Variants in ZNF585B observed in about 807,000 individuals in gnomAD.
ZNF585B encodes the protein zinc finger protein 41-like protein.
ZNF585B carries 7 observed loss-of-function variants against 14.0 expected under a neutral mutation model. The ratio of observed to expected loss-of-function variants is 0.50; its 90% CI spans 0.28 to 0.94. The LOEUF (loss-of-function observed/expected upper bound fraction) is 0.94, where lower values mean the gene tolerates loss of function less well. Among genes scored for constraint, ZNF585B ranks in the 40% least tolerant of loss-of-function variants. ZNF585B has a pLI of 0.09. For synonymous variants in ZNF585B, 290 were observed against 317.3 expected, an observed-to-expected ratio of 0.91 and a Z score of 0.91; for missense variants, 750 against 924.4, an observed-to-expected ratio of 0.81 and a Z score of 2.45.
chr19:37,200,549 CAAA>C (rs368092726), intron 2 of ZNF585B, among the ~76,000 whole-genome samples: 1 of 48,812 alleles, frequency 2.0e-5, no homozygotes, highest in Admixed American at 2.0e-4. Flanking sequence ...GATTCTGTCT[CAAA>C]AAAAAAAAAA....
rs1160111775 is a variant in ZNF585B at position 37,186,491 on chromosome 19, C to A, written c.1046G>T (p.Ser349Ile). The change falls in exon 5 of 5, where the codon AGT becomes ATT. Residue 349 changes from serine to isoleucine, a missense_variant. This residue lies in a region of ZNF585B where 517 missense variants were observed against 570.3 expected (regional missense o/e 0.91). Transcript: ENST00000532828. ...AGTACATATGGAAGATTTCTCTCTACTTTGAATCTTCTCATGTGTAATGAG... is the reference window on the plus strand; with the variant it reads ...AGTACATATGGAAGATTTCTCTCTAATTTGAATCTTCTCATGTGTAATGAG... ...SNLITHEKIQ[S>I]REKSSICTEC... 6.2e-7 allele frequency: 1 copy of A among 1,614,172 alleles called. No homozygotes were observed.
In ZNF585B at chr19:37,185,617, C is replaced by T; in HGVS notation, c.1920G>A (p.Gly640=). The T allele has an allele frequency of 1.2e-6, 2 of 1,614,078 alleles. No individual in the cohort carries two copies. The highest frequency in any genetic ancestry group is 1.1e-5 in the South Asian group (1 of 91,072). The stretch of plus-strand genomic sequence containing the variant: ...GATTTGACCTGCCACTAAAGGCTTT[C>T]CCACACTCGGCACACACATAGGGTT... ...GEKPYVCAEC[G]KAFSGRSNLS... is the part of the protein sequence containing the mutation. Residue 640 remains glycine (G), a synonymous_variant, in exon 5 of 5, where the codon GGG becomes GGA. Transcript: ENST00000532828.
chr19:37,199,054 C>T, intron 2 of ZNF585B: 1 of 1,481,052 alleles, frequency 6.8e-7, no homozygotes, highest in Non-Finnish European at 9.1e-7. Flanking sequence ...TACCTATATA[C>T]CTGAAAAGAA....
At position 37,182,028 on chromosome 19, in the gene ZNF585B, C is replaced by T. The variant is rs908964605; in HGVS notation, c.*3199G>A. The T allele has an allele frequency of 4.6e-5, 7 of 152,016 alleles. No homozygotes were observed. The highest frequency in any genetic ancestry group is 2.9e-5 in the Non-Finnish European group (2 of 68,012). 9.4% of individuals were successfully genotyped at this position (152,016 alleles called of 1,614,324 possible). A position where few individuals can be genotyped will look rare whatever the true frequency, so the allele number is the denominator to read the frequency against. On this transcript the variant is annotated 3_prime_UTR_variant, in exon 5 of 5. Transcript: ENST00000532828. ...GTCAATGTAGTTTCATCAATTGTAA[C>T]AAATGTACCACTCTGAAGGGGGATG...
In ZNF585B at chr19:37,185,309, T is replaced by C. The variant is rs146556657; in HGVS notation, c.2228A>G (p.Asp743Gly). ...LNKHQTTHTGDKPYKCGICGK... is the reference protein window; with the variant it reads ...LNKHQTTHTGGKPYKCGICGK... ...ACAGATGCCACACTTGTAGGGTTTG[T>C]CTCCAGTGTGTGTTGTCTGATGTTT... Residue 743 changes from aspartate (D) to glycine (G), a missense_variant, in exon 5 of 5, where the codon GAC becomes GGC. Physicochemically the swap from Asp to Gly is moderately conservative, Grantham distance 94 (BLOSUM62 -1). Coordinates refer to ENST00000532828, the MANE Select transcript of ZNF585B (RefSeq NM_152279.4). 153 of 1,614,192 alleles carry C rather than the reference T, an allele frequency of 9.5e-5. No homozygotes were observed. The African/African-American group carries it at 1.7e-3, about 18-fold the overall frequency.
At position 37,190,087 on chromosome 19, in the gene ZNF585B, G is replaced by C; in HGVS notation, c.136C>G (p.Leu46Val). ...TCCCGGTACAGGTTTCTCTGAGAAA[G>C]GTCCAGGTGCCGCCATTCCTCTCTG... Reference protein sequence around the residue: ...FSREEWRHLDLSQRNLYRDVM... With the variant: ...FSREEWRHLDVSQRNLYRDVM... The change falls in exon 3 of 5, where the codon CTT becomes GTT. Residue 46 changes from leucine (L) to valine (V), a missense_variant. By Grantham distance (32) the Leu-to-Val change is conservative. Around this residue, in one of 2 missense-constraint regions of ZNF585B, gnomAD observed 517 missense variants for 570.3 expected, o/e 0.91. Coordinates refer to ENST00000532828, the MANE Select transcript of ZNF585B (RefSeq NM_152279.4). The C allele has an allele frequency of 6.2e-7, 1 of 1,614,132 alleles. No homozygotes were observed. The highest frequency in any genetic ancestry group is 8.5e-7 in the Non-Finnish European group (1 of 1,180,022).
At chr19:37,206,938 G>C (rs765649617) in intron 2 of ZNF585B, 102 bp downstream of exon 2, 120 of 1,432,998 alleles carry the variant, frequency 8.4e-5, no homozygotes, top group Non-Finnish European at 1.1e-4. Flanking sequence ...GAGTCCAGCT[G>C]GTTCCTAAGG....
intron 2 of ZNF585B, among the ~76,000 whole-genome samples, chr19:37,191,974 C>T (rs1419643833): frequency 6.6e-6 from 1 of 151,948 alleles, no homozygotes; most frequent in Non-Finnish European, 1.5e-5. Context: ...AGGTTGCAGT[C>T]AGCCGAGATC....
intron 4 of ZNF585B, 80 bp from the exon 5 acceptor site, chr19:37,187,324 G>T: frequency 9.2e-7 from 1 of 1,082,256 alleles, no homozygotes; most frequent in Non-Finnish European, 1.3e-6. Context: ...TTGAAGCATC[G>T]TTTCTATCAT....
intron 2 of ZNF585B, among the ~76,000 whole-genome samples, chr19:37,194,398 G>A (rs1972437123): frequency 6.6e-6 from 1 of 152,200 alleles, no homozygotes; most frequent in African/African-American, 2.4e-5. Flanking sequence ...TGGACCACCT[G>A]AGGTGAGGGG....
rs1479845629 is a variant in ZNF585B, at chr19:37,186,135, A to T, written c.1402T>A (p.Cys468Ser). Residue 468 changes from cysteine to serine, a missense_variant, in exon 5 of 5, where the codon TGC becomes AGC. Physicochemically the swap from Cys to Ser is moderately radical, Grantham distance 112. Transcript: ENST00000532828. ...GTGAATGCCTTCCCACATTTATTGC[A>T]TACATAGGGCTTTTCTCCTGTGTGA... is the stretch of plus-strand genomic sequence containing the variant. ...RIHTGEKPYVCNKCGKAFTNR... is the reference protein window; with the variant it reads ...RIHTGEKPYVSNKCGKAFTNR... 6.2e-7 allele frequency: 1 copy of T among 1,614,184 alleles called. No homozygotes were observed. Among genetic ancestry groups the T allele is most frequent in the Non-Finnish European group, 8.5e-7 (1 of 1,180,028 alleles).
chr19:37,186,973 G>A lies in ZNF585B; in HGVS notation c.564C>T (p.Cys188=). ...GAAAAAAGGATTTTCCACATTCATT[G>A]CACTTATAGGGCTTCTCTCTCATAT... The part of the protein sequence containing the change: ...KTHMREKPYK[C]NECGKSFFQV... The change falls in exon 5 of 5, where the codon TGC becomes TGT. Residue 188 remains cysteine (C), a synonymous_variant. Transcript: ENST00000532828. The A allele has an allele frequency of 6.2e-7, 1 of 1,614,100 alleles. No individual in the cohort carries two copies. The highest frequency in any genetic ancestry group is 8.5e-7 in the Non-Finnish European group (1 of 1,180,002).
intron 3 of ZNF585B, 110 bp from the exon 4 acceptor site, chr19:37,189,863 T>A: frequency 6.4e-7 from 1 of 1,567,180 alleles, no homozygotes; most frequent in Non-Finnish European, 8.7e-7. Flanking sequence ...AGTAACCAGA[T>A]ATCTCTGAGT....
chr19:37,199,889 C>T (rs566925353), intron 2 of ZNF585B, among the ~76,000 whole-genome samples: 24 of 151,228 alleles, frequency 1.6e-4, no homozygotes, highest in African/African-American at 5.8e-4. Flanking sequence ...ACTAAAAATA[C>T]AAAATTAGCT....
chr19:37,186,471 A>C lies in ZNF585B; in HGVS notation c.1066T>G (p.Cys356Gly), dbSNP rs766447518. 3 of 1,614,200 alleles carry C rather than the reference A, an allele frequency of 1.9e-6. No individual in the cohort carries two copies. In the South Asian group the frequency reaches 3.3e-5, roughly 18 times the overall value. The change falls in exon 5 of 5, where the codon TGT becomes GGT. Residue 356 changes from cysteine (C) to glycine (G), a missense_variant. Physicochemically the swap from Cys to Gly is radical, Grantham distance 159. Around this residue, in one of 2 missense-constraint regions of ZNF585B, gnomAD observed 517 missense variants for 570.3 expected, o/e 0.91. Transcript: ENST00000532828. ...GTAAAGGCCTTCCCACACTCAGTAC[A>C]TATGGAAGATTTCTCTCTACTTTGA... is the stretch of plus-strand genomic sequence containing the variant. ...KIQSREKSSI[C>G]TECGKAFTYR...
At position 37,183,356 on chromosome 19, in the gene ZNF585B, CGCA is replaced by C. The variant is rs1972282605; in HGVS notation, c.*1868_*1870del. ...ACAGAAAAAAATCAGACAGAAGTCA[CGCA>C]ACAAGCATGGGTCAACTCTCCACAG... On this transcript the variant is annotated 3_prime_UTR_variant, in exon 5 of 5. Transcript: ENST00000532828. 1 of 152,176 alleles carries C rather than the reference CGCA, an allele frequency of 6.6e-6. No homozygotes were observed. Among genetic ancestry groups the C allele is most frequent in the Admixed American group, 6.6e-5 (1 of 15,260 alleles). The allele number at this position is 152,176 out of a possible 1,614,324, so 9.4% of individuals were successfully genotyped here.
chr19:37,201,426 A>C (rs1283560825), intron 2 of ZNF585B, among the ~76,000 whole-genome samples: 1 of 152,168 alleles, frequency 6.6e-6, no homozygotes, highest in Non-Finnish European at 1.5e-5. Context: ...CCATTTGATA[A>C]AGTAGAAAAA....
In ZNF585B at chr19:37,185,808, G is replaced by A. The variant is rs766287007; in HGVS notation, c.1729C>T (p.Pro577Ser). The part of the protein sequence containing the change: ...VHQKIHTGEK[P>S]YVCTECGRAF... ...CTTCCACACTCAGTGCATACATAGGGTTTCTCTCCTGTATGAATTTTCTGA... is the reference window on the plus strand; with the variant it reads ...CTTCCACACTCAGTGCATACATAGGATTTCTCTCCTGTATGAATTTTCTGA... The change falls in exon 5 of 5, where the codon CCC becomes TCC. Residue 577 changes from proline (P) to serine (S), a missense_variant. Pro to Ser is a moderately conservative substitution (Grantham distance 74, BLOSUM62 -1). Coordinates refer to ENST00000532828, the MANE Select transcript of ZNF585B (RefSeq NM_152279.4). 4.4e-6 allele frequency: 7 copies of A among 1,606,816 alleles called. No homozygotes were observed. Among genetic ancestry groups the A allele is most frequent in the Non-Finnish European group, 6.0e-6 (7 of 1,176,144 alleles).
chr19:37,188,277 G>A (rs1395490078), intron 4 of ZNF585B, among the ~76,000 whole-genome samples: 6 of 152,042 alleles, frequency 3.9e-5, no homozygotes, highest in African/African-American at 1.2e-4. Context: ...ACCTGAGGTC[G>A]AGAGTTGGAG....
Sources: gnomAD v4.1 joint callset for allele counts (sites outside exome capture counted in the v4.1 genomes callset) on GRCh38, gnomAD v4.1.1 for gene constraint, gnomAD v4.1.1 regional missense constraint, MANE v1.5 for transcripts, NCBI Gene and HGNC (gene_info 2026-07-23, HGNC 2026-07-21) for gene names.